Variants in NFATC1 observed in about 807,000 individuals in gnomAD.
NFATC1 encodes the protein nuclear factor of activated T-cells, cytoplasmic 1.
In NFATC1, 22 loss-of-function variants were observed where a neutral mutation model predicts 76.0. The ratio of observed to expected loss-of-function variants is 0.29; its 90% CI spans 0.21 to 0.41. The LOEUF (loss-of-function observed/expected upper bound fraction) is 0.41, where lower values mean the gene tolerates loss of function less well. Ranked by LOEUF, NFATC1 falls within the 10% of genes least tolerant of loss-of-function variation. NFATC1 has a pLI of 1.00. For synonymous variants in NFATC1, 704 were observed against 613.1 expected, an observed-to-expected ratio of 1.15 and a Z score of -2.19; for missense variants, 1,357 against 1,337.7, an observed-to-expected ratio of 1.01 and a Z score of -0.23.
At chr18:79,446,007 G>A (rs1002143932) in intron 3 of NFATC1, among the ~76,000 whole-genome samples, 2 of 152,164 alleles carry the variant, frequency 1.3e-5, no homozygotes, top group Admixed American at 6.5e-5. Flanking sequence ...CTTATACCTC[G>A]GCAGTGGAAT....
intron 2 of NFATC1, among the ~76,000 whole-genome samples, chr18:79,419,460 G>A (rs1366666674): frequency 2.8e-5 from 4 of 143,438 alleles, no homozygotes; most frequent in Non-Finnish European, 4.6e-5. Context: ...TAGGAGGGCC[G>A]GCACCTGCCT....
intron 9 of NFATC1, among the ~76,000 whole-genome samples, chr18:79,521,298 G>T (rs144929674): frequency 0.02 from 1,377 of 69,492 alleles, 96 homozygotes; most frequent in African/African-American, 0.06. Flanking sequence ...TGTGTGTGTG[G>T]GGGGGGGCGT....
At chr18:79,418,717 G>A (rs757063683) in intron 2 of NFATC1, among the ~76,000 whole-genome samples, 3 of 152,212 alleles carry the variant, frequency 2.0e-5, no homozygotes, top group Admixed American at 6.5e-5. Flanking sequence ...TTCTTGAGCC[G>A]CTTCGGTAGC....
intron 8 of NFATC1, among the ~76,000 whole-genome samples, chr18:79,474,126 C>T (rs1219530049): frequency 2.2e-5 from 3 of 138,758 alleles, no homozygotes; most frequent in South Asian, 2.2e-4. Flanking sequence ...CGTGTTCTCA[C>T]GCTCGCTGTC....
At chr18:79,516,417 G>A (rs11662485) in intron 9 of NFATC1, among the ~76,000 whole-genome samples, 5,780 of 152,290 alleles carry the variant, frequency 0.038, 184 homozygotes, top group Admixed American at 0.067. Flanking sequence ...GCTTTACAAA[G>A]CATCTTTGAA....
At position 79,433,666 on chromosome 18, in the gene NFATC1, C is replaced by G. The variant is rs1364144350; in HGVS notation, c.1314C>G (p.His438Gln). Residue 438 changes from histidine to glutamine, a missense_variant, in exon 3 of 10, where the codon CAC (histidine) becomes CAG (glutamine). Coordinates refer to ENST00000427363, the MANE Select transcript of NFATC1 (RefSeq NM_001278669.2). ...TTGAGGTGCAGCCCAAGTCCCACCACCGAGCCCACTACGAGACGGAGGGCA... is the reference window on the plus strand; with the variant it reads ...TTGAGGTGCAGCCCAAGTCCCACCAGCGAGCCCACTACGAGACGGAGGGCA... ...LRIEVQPKSH[H>Q]RAHYETEGSR... is the part of the protein sequence containing the mutation. 1.9e-6 allele frequency: 3 copies of G among 1,613,132 alleles called. No individual in the cohort carries two copies. The highest frequency in any genetic ancestry group is 2.5e-6 in the Non-Finnish European group (3 of 1,179,982).
In NFATC1 at chr18:79,484,024, C is replaced by T. The variant is rs1337304617; in HGVS notation, c.2093-2224C>T. Among the ~76,000 whole-genome samples, 10 of 151,774 alleles carry T rather than the reference C, an allele frequency of 6.6e-5. No homozygotes were observed. The South Asian group carries it at 1.9e-3, about 28-fold the overall frequency. ...GTCCTGGGGTGTCACTCCAACGTGA[C>T]CTGGTTCCTGGGGTGTCATTCCAGG... On this transcript the variant is annotated intron_variant, in intron 8 of 9. Coordinates refer to ENST00000427363, the MANE Select transcript of NFATC1 (RefSeq NM_001278669.2).
At chr18:79,510,293 ATGAG>A (rs1168045443) in intron 9 of NFATC1, among the ~76,000 whole-genome samples, 3 of 152,192 alleles carry the variant, frequency 2.0e-5, no homozygotes, top group Admixed American at 6.5e-5. Context: ...ATGACATAGA[ATGAG>A]TGAGTATTTA....
intron 7 of NFATC1, among the ~76,000 whole-genome samples, chr18:79,464,960 C>T (rs1445265513): frequency 6.6e-6 from 1 of 151,972 alleles, no homozygotes; most frequent in African/African-American, 2.4e-5. Flanking sequence ...CCACCTGGGC[C>T]TCCCAAAGTG....
chr18:79,469,596 G>C, intron 8 of NFATC1: 1 of 985,954 alleles, frequency 1.0e-6, no homozygotes, highest in Non-Finnish European at 1.2e-6. Context: ...TGCCCAGCGT[G>C]GACATCTCTC....
chr18:79,479,845 T>A lies in NFATC1; in HGVS notation c.2093-6403T>A, dbSNP rs569980383. Among the ~76,000 whole-genome samples, 401 of 152,256 alleles carry A rather than the reference T, an allele frequency of 2.6e-3. 1 individual carries two copies. Among genetic ancestry groups the A allele is most frequent in the African/African-American group, 9.4e-3 (390 of 41,536 alleles). ...AGGACAGGGAGATGGGGCAGTCGCC[T>A]GGGGAAGGCCCGGTCCCGGTGGGAG... is the stretch of plus-strand genomic sequence containing the variant. On this transcript the variant is annotated intron_variant, in intron 8 of 9. Coordinates refer to ENST00000427363, the MANE Select transcript of NFATC1 (RefSeq NM_001278669.2).
At chr18:79,460,483 C>T (rs768168668) in intron 6 of NFATC1, among the ~76,000 whole-genome samples, 2 of 152,220 alleles carry the variant, frequency 1.3e-5, no homozygotes, top group African/African-American at 4.8e-5. Flanking sequence ...CCGCCTTGTC[C>T]GTGTGCGCCT....
intron 9 of NFATC1, among the ~76,000 whole-genome samples, chr18:79,498,532 CAG>C: frequency 6.6e-6 from 1 of 152,260 alleles, no homozygotes; most frequent in East Asian, 1.9e-4. Context: ...AACAAAGCCT[CAG>C]AGCATGTGAG....
intron 2 of NFATC1, among the ~76,000 whole-genome samples, chr18:79,414,908 G>A (rs906419211): frequency 3.3e-5 from 5 of 152,184 alleles, no homozygotes; most frequent in African/African-American, 1.2e-4. Context: ...CACGTTGAAG[G>A]CTGTGCGGGT....
In NFATC1 at chr18:79,451,685, C is replaced by A; in HGVS notation, c.1772C>A (p.Ser591Ter). 1 of 1,607,370 alleles carries A rather than the reference C, an allele frequency of 6.2e-7. No homozygotes were observed. The highest frequency in any genetic ancestry group is 1.1e-5 in the South Asian group (1 of 89,666). Reference protein sequence around the residue: ...ASNPIECSQRSAQELPLVEKQ... With the variant: ...ASNPIECSQR Reference sequence around the variant, plus strand: ...TCTCCTTCTGATGCAGCCCAGCGCTCAGCTCAGGAGCTGCCTCTGGTGGAG... The same window carrying A: ...TCTCCTTCTGATGCAGCCCAGCGCTAAGCTCAGGAGCTGCCTCTGGTGGAG... Residue 591 changes from serine to a stop codon, truncating the protein, a stop_gained, in exon 6 of 10, where the codon TCA (serine) becomes TAA (stop). Transcript: ENST00000427363. LOFTEE classifies it high-confidence loss of function.
chr18:79,454,490 G>A (rs762055942), intron 6 of NFATC1, among the ~76,000 whole-genome samples: 4 of 152,320 alleles, frequency 2.6e-5, no homozygotes, highest in African/African-American at 9.6e-5. Context: ...GCATTGCGGG[G>A]AGCCGGCCGG....
chr18:79,484,948 G>A (rs2089451780), intron 8 of NFATC1, among the ~76,000 whole-genome samples: 1 of 152,254 alleles, frequency 6.6e-6, no homozygotes, highest in South Asian at 2.1e-4. Context: ...CGCAGCTGCT[G>A]GTGGACTCCT....
At chr18:79,482,623 G>A (rs1323656867) in intron 8 of NFATC1, among the ~76,000 whole-genome samples, 1 of 139,526 alleles carries the variant, frequency 7.2e-6, no homozygotes, top group Non-Finnish European at 1.5e-5. Flanking sequence ...TTCCTGGGGT[G>A]TAATTCCAGC....
At chr18:79,494,872 AGCGGGC>A (rs1197534606) in intron 9 of NFATC1, among the ~76,000 whole-genome samples, 4 of 133,410 alleles carry the variant, frequency 3.0e-5, no homozygotes, top group African/African-American at 1.1e-4. Flanking sequence ...GGAAGGCGAG[AGCGGGC>A]ACACGCCCCC....
Sources: gnomAD v4.1 joint callset for allele counts (sites outside exome capture counted in the v4.1 genomes callset) on GRCh38, gnomAD v4.1.1 for gene constraint, MANE v1.5 for transcripts, NCBI Gene and HGNC (gene_info 2026-07-23, HGNC 2026-07-21) for gene names.